Variants in DACH1 observed in about 807,000 individuals in gnomAD.
DACH1 encodes the protein dachshund family transcription factor 1.
DACH1 carries 12 observed loss-of-function variants against 54.2 expected under a neutral mutation model. The ratio of observed to expected loss-of-function variants is 0.22; its 90% confidence interval spans 0.14 to 0.36. DACH1 has a LOEUF of 0.36. Among genes scored for constraint, DACH1 ranks in the 10% least tolerant of loss-of-function variants. The pLI, the probability that DACH1 is intolerant of heterozygous loss-of-function variation, is 1.00. For synonymous variants in DACH1, 386 were observed against 366.2 expected (o/e 1.05, Z -0.62); for missense variants, 805 against 929.8 (o/e 0.87, Z 1.75).
At chr13:71,698,749 T>C (rs1257822521) in intron 1 of DACH1, among the ~76,000 whole-genome samples, 1 of 152,174 alleles carries the variant, frequency 6.6e-6, no homozygotes, top group African/African-American at 2.4e-5. Flanking sequence ...GTATAGGCTA[T>C]CAGTATTTTC....
At chr13:71,562,802 G>C (rs917173412) in intron 4 of DACH1, among the ~76,000 whole-genome samples, 1 of 151,976 alleles carries the variant, frequency 6.6e-6, no homozygotes, top group Non-Finnish European at 1.5e-5. Context: ...AGTTTCAAAT[G>C]GCAATATTCT....
rs374908983 is a variant in DACH1, at chr13:71,796,561, C to A, written c.848+69361G>T. ...CACACTGTTCCTCCAGAAAGATTTC[C>A]AACATCTCCCAAGGCATGTTTATGA... On this transcript the variant is annotated intron_variant, in intron 1 of 10. Transcript: ENST00000613252. Among the ~76,000 whole-genome samples, 6 of 152,078 alleles carry A rather than the reference C, an allele frequency of 3.9e-5. No individual in the cohort carries two copies. In the South Asian group the frequency reaches 8.3e-4, roughly 21 times the overall value.
intron 7 of DACH1, among the ~76,000 whole-genome samples, chr13:71,488,251 A>G (rs561090122): frequency 6.6e-6 from 1 of 152,312 alleles, no homozygotes; most frequent in South Asian, 2.1e-4. Flanking sequence ...CTCACTAGCT[A>G]CCCAAATATG....
intron 1 of DACH1, among the ~76,000 whole-genome samples, chr13:71,713,616 A>G (rs1882831974): frequency 6.6e-6 from 1 of 152,134 alleles, no homozygotes; most frequent in Non-Finnish European, 1.5e-5. Context: ...AATTTTGTCT[A>G]TGTTCTTCTA....
chr13:71,482,949 T>A (rs1878174959), intron 7 of DACH1, among the ~76,000 whole-genome samples: 1 of 151,984 alleles, frequency 6.6e-6, no homozygotes, highest in African/African-American at 2.4e-5. Flanking sequence ...TACAGGCATG[T>A]GCCACCATAC....
At chr13:71,470,734 A>C (rs1163581228) in intron 10 of DACH1, among the ~76,000 whole-genome samples, 3 of 152,186 alleles carry the variant, frequency 2.0e-5, no homozygotes, top group South Asian at 2.1e-4. Flanking sequence ...AAGATCTAAC[A>C]TAGGTCCTAA....
intron 3 of DACH1, among the ~76,000 whole-genome samples, chr13:71,609,077 T>C (rs938704509): frequency 6.6e-6 from 1 of 152,130 alleles, no homozygotes; most frequent in African/African-American, 2.4e-5. Flanking sequence ...TTAAAGCAAG[T>C]ATAATTTTAT....
chr13:71,523,848 T>C (rs1881770612), intron 6 of DACH1, among the ~76,000 whole-genome samples: 1 of 152,158 alleles, frequency 6.6e-6, no homozygotes, highest in Non-Finnish European at 1.5e-5. Flanking sequence ...GAACTCATTC[T>C]ATTCTACTTC....
chr13:71,688,886 T>C (rs1017447195), intron 1 of DACH1, among the ~76,000 whole-genome samples: 6 of 152,226 alleles, frequency 3.9e-5, no homozygotes, highest in Non-Finnish European at 7.3e-5. Context: ...ACTAAGCATA[T>C]GTATGTTTTG....
intron 1 of DACH1, among the ~76,000 whole-genome samples, chr13:71,699,991 T>C (rs1246263923): frequency 6.6e-6 from 1 of 152,208 alleles, no homozygotes; most frequent in African/African-American, 2.4e-5. Context: ...AATTACACGT[T>C]TTAATTTTAC....
intron 6 of DACH1, among the ~76,000 whole-genome samples, chr13:71,529,513 T>C (rs1882267905): frequency 1.3e-5 from 2 of 152,122 alleles, no homozygotes; most frequent in Non-Finnish European, 2.9e-5. Context: ...TCTATATTTA[T>C]ACAAATCGTA....
chr13:71,716,195 C>G (rs555771022), intron 1 of DACH1, among the ~76,000 whole-genome samples: 100 of 152,114 alleles, frequency 6.6e-4, no homozygotes, highest in Admixed American at 2.7e-3. Flanking sequence ...TTGATTCTGC[C>G]TATGATACAT....
chr13:71,756,062 A>T (rs114182259), intron 1 of DACH1, among the ~76,000 whole-genome samples: 3,558 of 151,950 alleles, frequency 0.023, 94 homozygotes, highest in African/African-American at 0.067. Flanking sequence ...ACGAAGTCTC[A>T]CTCTGTCGCC....
chr13:71,699,049 A>C, intron 1 of DACH1, among the ~76,000 whole-genome samples: 1 of 152,176 alleles, frequency 6.6e-6, no homozygotes, highest in East Asian at 1.9e-4. Context: ...AAGAAAAAAT[A>C]AATAATTAGA....
intron 3 of DACH1, among the ~76,000 whole-genome samples, chr13:71,605,399 G>T (rs779094758): frequency 1.4e-4 from 22 of 151,764 alleles, no homozygotes; most frequent in Non-Finnish European, 2.8e-4. Context: ...CAAAAGATAT[G>T]TTCGAGTATG....
chr13:71,463,332 A>T (rs959909607), intron 10 of DACH1, among the ~76,000 whole-genome samples: 5 of 151,968 alleles, frequency 3.3e-5, no homozygotes, highest in African/African-American at 1.2e-4. Context: ...AGCTAATGAA[A>T]ATGCCTTTTT....
intron 2 of DACH1, among the ~76,000 whole-genome samples, chr13:71,636,070 C>A (rs1877469541): frequency 6.6e-6 from 1 of 152,126 alleles, no homozygotes; most frequent in African/African-American, 2.4e-5. Flanking sequence ...AGGCATGAGC[C>A]ACTGCGCCCA....
intron 4 of DACH1, among the ~76,000 whole-genome samples, chr13:71,570,010 AG>A (rs2138408060): frequency 6.6e-6 from 1 of 152,144 alleles, no homozygotes; most frequent in East Asian, 1.9e-4. Flanking sequence ...ATACTGTTAA[AG>A]GTGACATAGG....
intron 6 of DACH1, among the ~76,000 whole-genome samples, chr13:71,555,198 T>C (rs1884159618): frequency 6.6e-6 from 1 of 152,130 alleles, no homozygotes; most frequent in African/African-American, 2.4e-5. Context: ...CTCAAATAAT[T>C]TTCTGTAGGG....
Sources: gnomAD v4.1 joint callset for allele counts (sites outside exome capture counted in the v4.1 genomes callset) on GRCh38, gnomAD v4.1.1 for gene constraint, MANE v1.5 for transcripts, NCBI Gene and HGNC (gene_info 2026-07-23, HGNC 2026-07-21) for gene names.